The following GLYATL3 variants were observed in gnomAD, a reference collection of about 807,000 sequenced individuals.
GLYATL3 encodes glycine N-acyltransferase-like protein 3.
GLYATL3 carries 31 observed loss-of-function variants against 28.5 expected under a neutral mutation model. The ratio of observed to expected loss-of-function variants is 1.09; its 90% CI spans 0.82 to 1.47. The LOEUF is 1.47. GLYATL3 is among the 40% of genes most tolerant of loss of function. The probability of loss-of-function intolerance (pLI) is 0.00; values close to 1 mark genes in which losing one functional copy is unlikely to be tolerated. For synonymous variants in GLYATL3, 141 were observed against 140.2 expected, an observed-to-expected ratio of 1.01 and a Z score of -0.04; for missense variants, 369 against 351.5, an observed-to-expected ratio of 1.05 and a Z score of -0.40.
intron 4 of GLYATL3, among the ~76,000 whole-genome samples, chr6:49,518,118 C>G (rs922691817): frequency 6.6e-6 from 1 of 152,110 alleles, no homozygotes; most frequent in Non-Finnish European, 1.5e-5. Flanking sequence ...AACTCCTGGG[C>G]TCAAGGATCC....
chr6:49,514,281 CAGTA>C (rs1168620755), intron 2 of GLYATL3, among the ~76,000 whole-genome samples: 1 of 152,182 alleles, frequency 6.6e-6, no homozygotes, highest in Non-Finnish European at 1.5e-5. Flanking sequence ...TTGGATCACA[CAGTA>C]AGTATCTTTT....
intron 1 of GLYATL3, among the ~76,000 whole-genome samples, chr6:49,509,965 TCTTTC>T (rs1312146031): frequency 7.6e-6 from 1 of 130,958 alleles, no homozygotes; most frequent in African/African-American, 2.7e-5. Context: ...TTTCTTTCTT[TCTTTC>T]TTTCTTTCTT....
At chr6:49,526,115 T>C (rs192945040) in intron 5 of GLYATL3, among the ~76,000 whole-genome samples, 8 of 152,226 alleles carry the variant, frequency 5.3e-5, no homozygotes, top group Admixed American at 3.3e-4. Flanking sequence ...TTTGAACCAA[T>C]ATGAAAAGAG....
chr6:49,500,895 A>G (rs1026324425), intron 1 of GLYATL3, among the ~76,000 whole-genome samples: 1 of 152,222 alleles, frequency 6.6e-6, no homozygotes, highest in Non-Finnish European at 1.5e-5. Context: ...TGTGGCATTA[A>G]AAAAATTTCT....
intron 1 of GLYATL3, among the ~76,000 whole-genome samples, chr6:49,506,243 C>A (rs866976228): frequency 1.3e-5 from 2 of 152,142 alleles, no homozygotes; most frequent in African/African-American, 4.8e-5. Flanking sequence ...GCATTGGCAA[C>A]AGCTAATTTT....
rs377278179 is a variant in GLYATL3, at chr6:49,526,998, G to C, written c.*84G>C. ...TGCCAACGAGGGGAGAGTTAAAATGGGAATCAGGGGACTCTTGAGTTGTTG... is the reference window on the plus strand; with the variant it reads ...TGCCAACGAGGGGAGAGTTAAAATGCGAATCAGGGGACTCTTGAGTTGTTG... On this transcript the variant is annotated 3_prime_UTR_variant, in exon 6 of 6. Transcript: ENST00000371197. 180 of 990,326 alleles carry C rather than the reference G, an allele frequency of 1.8e-4. No individual in the cohort carries two copies. The African/African-American group carries it at 2.7e-3, about 15-fold the overall frequency. 61.3% of individuals were successfully genotyped at this position (990,326 alleles called of 1,614,324 possible).
intron 4 of GLYATL3, among the ~76,000 whole-genome samples, chr6:49,520,708 C>A (rs1404539907): frequency 6.6e-6 from 1 of 152,068 alleles, no homozygotes; most frequent in Admixed American, 6.6e-5. Context: ...CATACTATAA[C>A]CTCTCTAAGA....
chr6:49,524,235 T>C (rs909904088), intron 5 of GLYATL3, among the ~76,000 whole-genome samples: 3 of 152,086 alleles, frequency 2.0e-5, no homozygotes, highest in African/African-American at 7.2e-5. Flanking sequence ...GAAAATTCCA[T>C]TAGGCCAGCT....
chr6:49,523,029 G>A (rs1769343649), intron 5 of GLYATL3, among the ~76,000 whole-genome samples: 3 of 151,608 alleles, frequency 2.0e-5, no homozygotes, highest in African/African-American at 7.3e-5. Context: ...TCCTGTGTCC[G>A]AGGTCCCCAA....
intron 1 of GLYATL3, 104 bp downstream of exon 1, chr6:49,500,146 C>T (rs376694285): frequency 3.9e-5 from 6 of 152,000 alleles, no homozygotes; most frequent in African/African-American, 1.2e-4. Flanking sequence ...TTATACAGAA[C>T]GAATACATTG....
At chr6:49,511,385 G>A (rs1769119330) in intron 1 of GLYATL3, among the ~76,000 whole-genome samples, 1 of 152,056 alleles carries the variant, frequency 6.6e-6, no homozygotes, top group South Asian at 2.1e-4. Context: ...TTCAATCTAG[G>A]TATTTCTCTC....
At chr6:49,505,287 G>A (rs989899033) in intron 1 of GLYATL3, among the ~76,000 whole-genome samples, 1 of 152,174 alleles carries the variant, frequency 6.6e-6, no homozygotes, top group Non-Finnish European at 1.5e-5. Flanking sequence ...ATAGATTAGT[G>A]TCAGTAATAT....
At chr6:49,524,450 T>C (rs1769367641) in intron 5 of GLYATL3, among the ~76,000 whole-genome samples, 1 of 152,206 alleles carries the variant, frequency 6.6e-6, no homozygotes, top group Non-Finnish European at 1.5e-5. Context: ...GAGAGCAAAT[T>C]CTGAGGCACT....
At chr6:49,522,099 T>C (rs534385022) in intron 5 of GLYATL3, among the ~76,000 whole-genome samples, 1 of 152,306 alleles carries the variant, frequency 6.6e-6, no homozygotes, top group South Asian at 2.1e-4. Flanking sequence ...AAATAATATA[T>C]ACTGTCTGAG....
At chr6:49,516,118 A>G (rs1433590063) in intron 3 of GLYATL3, among the ~76,000 whole-genome samples, 1 of 151,908 alleles carries the variant, frequency 6.6e-6, no homozygotes, top group Non-Finnish European at 1.5e-5. Context: ...TATTTTTAGT[A>G]GACACTTTAG....
Position 49,526,927 on chromosome 6 carries a change from C to G in GLYATL3, c.*13C>G. The stretch of plus-strand genomic sequence containing the variant: ...GCCTCACCTCTAGCCCAGTAAAAAA[C>G]TGCAGTGGTTTTATTACTTTCCCTG... On this transcript the variant is annotated 3_prime_UTR_variant, in exon 6 of 6. Coordinates refer to ENST00000371197, the MANE Select transcript of GLYATL3 (RefSeq NM_001010904.2). 1 of 1,481,336 alleles carries G rather than the reference C, an allele frequency of 6.8e-7. No individual in the cohort carries two copies. 91.8% of individuals were successfully genotyped at this position (1,481,336 alleles called of 1,614,324 possible).
chr6:49,509,587 T>C (rs868506474), intron 1 of GLYATL3, among the ~76,000 whole-genome samples: 1 of 152,200 alleles, frequency 6.6e-6, no homozygotes, highest in African/African-American at 2.4e-5. Flanking sequence ...AAAGGGCACT[T>C]GTTTACAATA....
In GLYATL3 at chr6:49,505,606, T is replaced by C. The variant is rs531052981; in HGVS notation, c.-29+5564T>C. Reference sequence around the variant, plus strand: ...GAATTTTGACTTAGGCAAATGATTATCAATAGTGCCAACGAAGTCAGCCAG... The same window carrying C: ...GAATTTTGACTTAGGCAAATGATTACCAATAGTGCCAACGAAGTCAGCCAG... On this transcript the variant is annotated intron_variant, in intron 1 of 5. Transcript: ENST00000371197. Among the ~76,000 whole-genome samples, 14 of 152,316 alleles carry C rather than the reference T, an allele frequency of 9.2e-5. No individual in the cohort carries two copies. The East Asian group carries it at 1.9e-3, about 21-fold the overall frequency.
rs1769447634 is a variant in GLYATL3, at chr6:49,527,672, A to G, written c.*758A>G. 6.6e-6 allele frequency among the ~76,000 whole-genome samples: 1 copy of G among 152,184 alleles called. No individual in the cohort carries two copies. On this transcript the variant is annotated 3_prime_UTR_variant, in exon 6 of 6. Transcript: ENST00000371197. Reference sequence around the variant, plus strand: ...TTTGATGCTATAAACAAATGCTGTCACCATAGAACTAGACTTTACCTATAA... The same window carrying G: ...TTTGATGCTATAAACAAATGCTGTCGCCATAGAACTAGACTTTACCTATAA...
Sources: gnomAD v4.1 joint callset for allele counts (sites outside exome capture counted in the v4.1 genomes callset) on GRCh38, gnomAD v4.1.1 for gene constraint, MANE v1.5 for transcripts, NCBI Gene and HGNC (gene_info 2026-07-23, HGNC 2026-07-21) for gene names.